IFT46: variants seen among roughly 807,000 people sequenced by gnomAD.
IFT46 encodes intraflagellar transport 46.
IFT46 carries 19 observed loss-of-function variants against 39.6 expected under a neutral mutation model. The ratio of observed to expected loss-of-function variants is 0.48; its 90% CI spans 0.33 to 0.70. The LOEUF (loss-of-function observed/expected upper bound fraction) is 0.70, where lower values mean the gene tolerates loss of function less well. Among genes scored for constraint, IFT46 ranks in the 30% least tolerant of loss-of-function variants. The pLI is 0.01. For missense variants in IFT46, 334 were observed against 364.8 expected, an observed-to-expected ratio of 0.92 and a Z score of 0.69; for synonymous variants, 117 against 134.8, an observed-to-expected ratio of 0.87 and a Z score of 0.91.
chr11:118,570,931 T>C (rs1457664708), upstream of IFT46, among the ~76,000 whole-genome samples: 1 of 152,136 alleles, frequency 6.6e-6, no homozygotes, highest in Admixed American at 6.5e-5. Flanking sequence ...TTTAAGAGTC[T>C]AAGTCTCACA....
intron 11 of IFT46, 37 bp from the exon 12 acceptor site, chr11:118,545,048 G>T: frequency 7.4e-7 from 1 of 1,357,336 alleles, no homozygotes; most frequent in Non-Finnish European, 1.0e-6. Flanking sequence ...GAGTATTAGG[G>T]ATATGCTAAT....
At chr11:118,551,888 G>A in intron 8 of IFT46, 36 bp from the exon 9 acceptor site, 1 of 1,572,088 alleles carries the variant, frequency 6.4e-7, no homozygotes, top group Non-Finnish European at 8.8e-7. Context: ...CAAGAAACGT[G>A]AACTGATAAC....
In IFT46 at chr11:118,555,867, G is replaced by C. The variant is rs1937813226; in HGVS notation, c.186-545C>G. On this transcript the variant is annotated intron_variant, in intron 4 of 11. Coordinates refer to ENST00000264021, the MANE Select transcript of IFT46 (RefSeq NM_001168618.2). ...GAACCTGGAAGGCAGAGGTTGCAGT[G>C]AGCCAAGATCGCACCACTGCACTCC... Among the ~76,000 whole-genome samples the C allele has an allele frequency of 2.0e-5, 3 of 151,280 alleles. No homozygotes were observed. The South Asian group carries it at 6.3e-4, about 32-fold the overall frequency.
rs782333985 is a variant in IFT46, at chr11:118,572,514, C to T, written c.-133+82G>A. The stretch of plus-strand genomic sequence containing the variant: ...ACCCTACCCCTATCCCCAGTGGAGC[C>T]GGAGTGCGGGCGCGCCCCACCACCG... On this transcript the variant is annotated intron_variant, in intron 1 of 5. Coordinates refer to the IFT46 transcript ENST00000528378. 4 of 1,611,044 alleles carry T rather than the reference C, an allele frequency of 2.5e-6. No homozygotes were observed. In the Admixed American group the frequency reaches 5.0e-5, roughly 20 times the overall value.
intron 3 of IFT46, chr11:118,557,328 T>G: frequency 4.9e-6 from 2 of 405,460 alleles, no homozygotes; most frequent in Non-Finnish European, 4.3e-6. Context: ...TTCAGGGCCC[T>G]GTGTACACTT....
intron 9 of IFT46, among the ~76,000 whole-genome samples, chr11:118,551,222 T>C (rs782230123): frequency 1.3e-5 from 2 of 149,848 alleles, no homozygotes; most frequent in Non-Finnish European, 3.0e-5. Context: ...AATACAAAAA[T>C]TAGCATGGTG....
intron 3 of IFT46, chr11:118,557,531 A>G: frequency 1.7e-6 from 1 of 591,524 alleles, no homozygotes; most frequent in Non-Finnish European, 2.9e-6. Context: ...GAAACTATCA[A>G]AAGAAGAAAG....
At chr11:118,547,691 G>C (rs1213673262) in intron 9 of IFT46, among the ~76,000 whole-genome samples, 1 of 151,604 alleles carries the variant, frequency 6.6e-6, no homozygotes, top group Non-Finnish European at 1.5e-5. Context: ...CAAAGTGCTG[G>C]GATTACAGGC....
chr11:118,574,623 C>T (rs1418814877), upstream of IFT46, among the ~76,000 whole-genome samples: 2 of 151,960 alleles, frequency 1.3e-5, no homozygotes, highest in Admixed American at 6.6e-5. Context: ...AATAAATTCC[C>T]TTTGGCTTTA....
At chr11:118,575,193 T>C (rs1938462382), upstream of IFT46, among the ~76,000 whole-genome samples, 1 of 152,162 alleles carries the variant, frequency 6.6e-6, no homozygotes, top group African/African-American at 2.4e-5. Context: ...TTAGCCAGGA[T>C]AGTCTCGATC....
At chr11:118,574,271 G>A (rs141745700), upstream of IFT46, among the ~76,000 whole-genome samples, 4 of 152,040 alleles carry the variant, frequency 2.6e-5, no homozygotes, top group African/African-American at 9.7e-5. Flanking sequence ...TTAAGACATT[G>A]GTATGATTTC....
intron 9 of IFT46, among the ~76,000 whole-genome samples, chr11:118,551,227 A>G (rs782454033): frequency 6.6e-6 from 1 of 151,454 alleles, no homozygotes; most frequent in African/African-American, 2.4e-5. Flanking sequence ...AAAAATTAGC[A>G]TGGTGGCATG....
intron 9 of IFT46, among the ~76,000 whole-genome samples, chr11:118,548,884 CCAT>C: frequency 6.6e-6 from 1 of 150,788 alleles, no homozygotes; most frequent in South Asian, 2.1e-4. Context: ...GCCTCCCACT[CCAT>C]TATGACTTTT....
intron 9 of IFT46, among the ~76,000 whole-genome samples, chr11:118,547,907 C>A (rs1214384114): frequency 6.6e-6 from 1 of 151,252 alleles, no homozygotes; most frequent in African/African-American, 2.4e-5. Context: ...CCACAGCGCC[C>A]GGCTAATTTT....
upstream of IFT46, among the ~76,000 whole-genome samples, chr11:118,566,798 A>G (rs987223384): frequency 6.6e-6 from 1 of 152,270 alleles, no homozygotes; most frequent in Non-Finnish European, 1.5e-5. Flanking sequence ...TAAGCTTTGT[A>G]ACACCAGTGT....
At chr11:118,557,588 TG>T in intron 3 of IFT46, 1 of 917,864 alleles carries the variant, frequency 1.1e-6, no homozygotes, top group Non-Finnish European at 1.7e-6. Context: ...CCAGGGACTA[TG>T]GACTTTCCAT....
upstream of IFT46, among the ~76,000 whole-genome samples, chr11:118,570,352 G>A (rs1461120581): frequency 3.3e-5 from 5 of 151,980 alleles, no homozygotes; most frequent in South Asian, 2.1e-4. Context: ...GAGCCACCGC[G>A]CCCAGCCAGG....
chr11:118,573,416 AG>A (rs782009052), upstream of IFT46, among the ~76,000 whole-genome samples: 2 of 152,162 alleles, frequency 1.3e-5, no homozygotes, highest in African/African-American at 2.4e-5. Context: ...AGGATGAGAA[AG>A]GTTAATGTGG....
chr11:118,556,305 C>T (rs1555069469), intron 4 of IFT46, among the ~76,000 whole-genome samples: 1 of 152,242 alleles, frequency 6.6e-6, no homozygotes, highest in South Asian at 2.1e-4. Context: ...TCCTGGCTAA[C>T]ACGGTGAAAC....
Sources: gnomAD v4.1 joint callset for allele counts (sites outside exome capture counted in the v4.1 genomes callset) on GRCh38, gnomAD v4.1.1 for gene constraint, MANE v1.5 for transcripts, NCBI Gene and HGNC (gene_info 2026-07-23, HGNC 2026-07-21) for gene names.